Variants in CLPSL1 observed in about 807,000 individuals in gnomAD.
CLPSL1 encodes the protein colipase-like protein 1.
In CLPSL1, 13 loss-of-function variants were observed where a neutral mutation model predicts 9.3. The ratio of observed to expected loss-of-function variants is 1.40; its 90% CI spans 0.91 to 2.22. The LOEUF (loss-of-function observed/expected upper bound fraction) is 2.22, where lower values mean the gene tolerates loss of function less well. Ranked by LOEUF, CLPSL1 falls within the 30% of genes most tolerant of loss-of-function variation. The pLI is 0.00. For missense variants in CLPSL1, 164 were observed against 146.6 expected, an observed-to-expected ratio of 1.12 and a Z score of -0.61; for synonymous variants, 58 against 56.9, an observed-to-expected ratio of 1.02 and a Z score of -0.08.
At chr6:35,788,533 A>G (rs1768134290), downstream of CLPSL1, among the ~76,000 whole-genome samples, 1 of 152,258 alleles carries the variant, frequency 6.6e-6, no homozygotes, top group Non-Finnish European at 1.5e-5. Context: ...TATGCACATG[A>G]TCTCATTTAA....
chr6:35,782,698 C>T (rs556062789), intron 1 of CLPSL1, among the ~76,000 whole-genome samples: 2 of 151,966 alleles, frequency 1.3e-5, no homozygotes, highest in African/African-American at 4.8e-5. Flanking sequence ...GCTTTGAATC[C>T]AGAGAATGGC....
At chr6:35,788,256 A>T, downstream of CLPSL1, 1 of 490,208 alleles carries the variant, frequency 2.0e-6, no homozygotes, top group South Asian at 2.0e-5. Flanking sequence ...AGGAAGGGAC[A>T]CTGTTGGACT....
chr6:35,789,335 C>A (rs1768146718), downstream of CLPSL1, among the ~76,000 whole-genome samples: 3 of 152,240 alleles, frequency 2.0e-5, no homozygotes, highest in African/African-American at 7.2e-5. Context: ...AAGAAGACAC[C>A]TTGGGGAAAG....
downstream of CLPSL1, among the ~76,000 whole-genome samples, chr6:35,792,127 T>TA (rs1768232696): frequency 7.8e-6 from 1 of 128,222 alleles, no homozygotes; most frequent in South Asian, 2.6e-4. Context: ...ATAAATAAAT[T>TA]AGCCAGGCAT....
downstream of CLPSL1, among the ~76,000 whole-genome samples, chr6:35,790,458 G>C (rs1009315151): frequency 6.6e-6 from 1 of 152,254 alleles, no homozygotes; most frequent in Non-Finnish European, 1.5e-5. Context: ...GTACTTGAAG[G>C]CCTGAGAATT....
intron 2 of CLPSL1, among the ~76,000 whole-genome samples, chr6:35,787,455 C>T (rs2151061809): frequency 6.6e-6 from 1 of 152,388 alleles, no homozygotes; most frequent in South Asian, 2.1e-4. Flanking sequence ...CCCCAGAGCC[C>T]CGTCTTCATC....
downstream of CLPSL1, among the ~76,000 whole-genome samples, chr6:35,790,271 A>G (rs1487972576): frequency 6.6e-6 from 1 of 152,268 alleles, no homozygotes; most frequent in Non-Finnish European, 1.5e-5. Flanking sequence ...ATTTTCATCC[A>G]GGAATATAAA....
At chr6:35,786,157 C>T (rs563949944) in intron 1 of CLPSL1, among the ~76,000 whole-genome samples, 1 of 152,108 alleles carries the variant, frequency 6.6e-6, no homozygotes, top group South Asian at 2.1e-4. Flanking sequence ...CGCAGCTACT[C>T]GGGAGAATTG....
At position 35,787,042 on chromosome 6, in the gene CLPSL1, C is replaced by G. The variant is rs375641275; in HGVS notation, c.144C>G (p.Gly48=). ...SCIRNQDCET[G]CCQRAPDNCE... Reference sequence around the variant, plus strand: ...TCCGGAACCAGGACTGCGAGACTGGCTGCTGCCAACGTGCTCCAGACAATT... The same window carrying G: ...TCCGGAACCAGGACTGCGAGACTGGGTGCTGCCAACGTGCTCCAGACAATT... The change falls in exon 2 of 3, where the codon GGC becomes GGG. Residue 48 remains glycine (G), a synonymous_variant. Transcript: ENST00000373861. 1.1e-4 allele frequency: 181 copies of G among 1,597,690 alleles called. No individual in the cohort carries two copies. The African/African-American group carries it at 2.3e-3, about 20-fold the overall frequency.
chr6:35,792,163 A>T (rs930654957), downstream of CLPSL1, among the ~76,000 whole-genome samples: 2 of 152,218 alleles, frequency 1.3e-5, no homozygotes, highest in Non-Finnish European at 2.9e-5. Flanking sequence ...TAGTTCTAGC[A>T]CTTGGGGAAC....
At chr6:35,787,511 T>A (rs1331477700) in intron 2 of CLPSL1, among the ~76,000 whole-genome samples, 1 of 152,196 alleles carries the variant, frequency 6.6e-6, no homozygotes, top group African/African-American at 2.4e-5. Flanking sequence ...TGGTGGAGGA[T>A]GGGCAGAGGC....
chr6:35,787,747 A>T, intron 2 of CLPSL1, 120 bp from the exon 3 acceptor site: 1 of 972,982 alleles, frequency 1.0e-6, no homozygotes, highest in Non-Finnish European at 1.6e-6. Flanking sequence ...GCAAGCTATC[A>T]TTTATCCCTG....
In CLPSL1 at chr6:35,788,055, T is replaced by A. The variant is rs569247743; in HGVS notation, c.*45T>A. ...CCTCCTCCTCCTCCACCTGCTCTCC[T>A]CCCTACCCAGAGCTCTGTGTTCACC... On this transcript the variant is annotated 3_prime_UTR_variant, in exon 3 of 3. Transcript: ENST00000373861. 4 of 1,451,516 alleles carry A rather than the reference T, an allele frequency of 2.8e-6. No homozygotes were observed. In the Admixed American group the frequency reaches 6.7e-5, roughly 24 times the overall value. 89.9% of individuals were successfully genotyped at this position (1,451,516 alleles called of 1,614,324 possible).
At chr6:35,786,334 T>C (rs1468857431) in intron 1 of CLPSL1, among the ~76,000 whole-genome samples, 2 of 152,202 alleles carry the variant, frequency 1.3e-5, no homozygotes, top group Non-Finnish European at 2.9e-5. Context: ...GGCTAGTGGC[T>C]ATTGGACTGG....
chr6:35,791,117 T>G (rs1047671242), downstream of CLPSL1, among the ~76,000 whole-genome samples: 6 of 152,312 alleles, frequency 3.9e-5, no homozygotes, highest in South Asian at 1.2e-3. Context: ...ATAATTTTTA[T>G]GCTTCAGTGG....
chr6:35,787,926 A>G lies in CLPSL1; in HGVS notation c.282A>G (p.Ser94=), dbSNP rs745672658. 1 of 1,611,472 alleles carries G rather than the reference A, an allele frequency of 6.2e-7. No individual in the cohort carries two copies. The change falls in exon 3 of 3, where the codon TCA becomes TCG. Residue 94 remains serine, a synonymous_variant. Transcript: ENST00000373861. ...TGCGGAACCTGACTTGTATATATTCAAAGAATGAGAAATGGCTTAGCATCG... is the reference window on the plus strand; with the variant it reads ...TGCGGAACCTGACTTGTATATATTCGAAGAATGAGAAATGGCTTAGCATCG... The part of the protein sequence containing the change: ...PCLRNLTCIY[S]KNEKWLSIAY...
chr6:35,793,297 C>T (rs553805704), intron 1 of CLPSL1, among the ~76,000 whole-genome samples: 25 of 152,302 alleles, frequency 1.6e-4, no homozygotes, highest in African/African-American at 4.1e-4. Flanking sequence ...TGGTGGCAGG[C>T]GCCTGTAGTC....
At chr6:35,785,174 ATT>A (rs34500810) in intron 1 of CLPSL1, among the ~76,000 whole-genome samples, 9 of 115,702 alleles carry the variant, frequency 7.8e-5, no homozygotes, top group Non-Finnish European at 1.0e-4. Context: ...GCCCCTGGAA[ATT>A]TTTTTTTTTT....
At chr6:35,787,177 G>A (rs1290506998) in intron 2 of CLPSL1, 57 bp downstream of exon 2, 15 of 1,587,456 alleles carry the variant, frequency 9.4e-6, no homozygotes, top group Non-Finnish European at 1.3e-5. Context: ...GGGAGCCAGG[G>A]CGGGCCCAGA....
Sources: allele counts gnomAD v4.1 joint callset (sites outside exome capture counted in the v4.1 genomes callset), GRCh38; gene constraint gnomAD v4.1.1; transcripts MANE v1.5; gene names NCBI Gene and HGNC (gene_info 2026-07-23, HGNC 2026-07-21).